PCDH15: variants seen among roughly 807,000 people sequenced by gnomAD.
The protein encoded by PCDH15 is protocadherin-15.
A neutral mutation model predicts 178.5 loss-of-function variants in PCDH15; 129 were observed. The ratio of observed to expected loss-of-function variants is 0.72; its 90% CI spans 0.63 to 0.84. PCDH15 has a LOEUF of 0.84. Among genes scored for constraint, PCDH15 ranks in the 40% least tolerant of loss-of-function variants. The pLI is 0.00. For synonymous variants in PCDH15, 800 were observed against 732.0 expected, an observed-to-expected ratio of 1.09 and a Z score of -1.50; for missense variants, 2,230 against 2,099.9, an observed-to-expected ratio of 1.06 and a Z score of -1.21.
chr10:55,548,849 G>A (rs1841945623), intron 2 of PCDH15, among the ~76,000 whole-genome samples: 2 of 152,016 alleles, frequency 1.3e-5, no homozygotes, highest in Admixed American at 1.3e-4. Flanking sequence ...AGAATATATA[G>A]AAAAATGACA....
chr10:53,972,383 G>C (rs576082560), intron 21 of PCDH15, among the ~76,000 whole-genome samples: 46 of 152,244 alleles, frequency 3.0e-4, no homozygotes, highest in Non-Finnish European at 4.4e-4. Flanking sequence ...CATGTGCAAA[G>C]GCTTCATGAC....
intron 3 of PCDH15, among the ~76,000 whole-genome samples, chr10:54,882,366 A>G (rs1033625942): frequency 1.3e-5 from 2 of 152,048 alleles, no homozygotes; most frequent in African/African-American, 4.8e-5. Flanking sequence ...CCATAGTCTC[A>G]TAAAGTCGGA....
At chr10:54,684,571 T>C (rs1221463077) in intron 1 of PCDH15, among the ~76,000 whole-genome samples, 1 of 152,104 alleles carries the variant, frequency 6.6e-6, no homozygotes, top group African/African-American at 2.4e-5. Flanking sequence ...TTTTTTTCTC[T>C]TGACACAAGT....
chr10:54,267,390 T>G (rs1315239862), intron 8 of PCDH15, among the ~76,000 whole-genome samples: 1 of 151,872 alleles, frequency 6.6e-6, no homozygotes, highest in African/African-American at 2.4e-5. Context: ...CTTTTACCAC[T>G]CTTATTCAAC....
At chr10:54,943,487 G>T (rs1157139955) in intron 2 of PCDH15, among the ~76,000 whole-genome samples, 3 of 151,840 alleles carry the variant, frequency 2.0e-5, no homozygotes, top group Admixed American at 6.6e-5. Context: ...TAAGTGATTT[G>T]CCCCTGGTGC....
intron 13 of PCDH15, among the ~76,000 whole-genome samples, chr10:54,155,791 T>TAAA (rs527427577): frequency 0.015 from 1,770 of 119,532 alleles, 46 homozygotes; most frequent in African/African-American, 0.052. Flanking sequence ...GTGAGACTCT[T>TAAA]AAAAAAAAAA....
intron 3 of PCDH15, among the ~76,000 whole-genome samples, chr10:54,862,044 A>T (rs1181549130): frequency 6.6e-6 from 1 of 152,208 alleles, no homozygotes; most frequent in African/African-American, 2.4e-5. Context: ...AAAGAACTAA[A>T]TATATAATAA....
intron 9 of PCDH15, among the ~76,000 whole-genome samples, chr10:54,215,928 A>G (rs113258825): frequency 6.7e-6 from 1 of 150,354 alleles, no homozygotes; most frequent in African/African-American, 2.4e-5. Flanking sequence ...CTGTAGTCCC[A>G]GCTACTTGGG....
intron 10 of PCDH15, among the ~76,000 whole-genome samples, chr10:54,205,656 T>G (rs919515355): frequency 3.9e-5 from 6 of 151,988 alleles, no homozygotes; most frequent in African/African-American, 1.4e-4. Flanking sequence ...ATCATCCTAA[T>G]AAAAATAAGA....
At chr10:55,074,075 GTA>G (rs1841819972) in intron 2 of PCDH15, among the ~76,000 whole-genome samples, 1 of 152,044 alleles carries the variant, frequency 6.6e-6, no homozygotes, top group Non-Finnish European at 1.5e-5. Context: ...GTATTCCATG[GTA>G]TATATGTACT....
At chr10:54,004,850 T>C (rs965166203) in intron 20 of PCDH15, among the ~76,000 whole-genome samples, 41 of 104,094 alleles carry the variant, frequency 3.9e-4, no homozygotes, top group African/African-American at 1.7e-3. Flanking sequence ...GCCAAAGCTA[T>C]ATTAAACAAA....
intron 8 of PCDH15, among the ~76,000 whole-genome samples, chr10:54,268,122 C>T (rs115084969): frequency 0.015 from 2,209 of 151,746 alleles, 56 homozygotes; most frequent in African/African-American, 0.048. Flanking sequence ...AGAAATGAGG[C>T]CTCATTCCTA....
intron 2 of PCDH15, among the ~76,000 whole-genome samples, chr10:55,077,223 C>A (rs1208080049): frequency 6.6e-6 from 1 of 151,848 alleles, no homozygotes; most frequent in Non-Finnish European, 1.5e-5. Flanking sequence ...ATTTTTAATC[C>A]ATTCAGCTCA....
intron 4 of PCDH15, among the ~76,000 whole-genome samples, chr10:54,376,737 T>C (rs1948499476): frequency 6.6e-6 from 1 of 151,936 alleles, no homozygotes; most frequent in Non-Finnish European, 1.5e-5. Flanking sequence ...GACATTACAA[T>C]TATTTAGCAA....
At chr10:54,767,150 CTGTT>C (rs1948613231) in intron 1 of PCDH15, among the ~76,000 whole-genome samples, 1 of 152,054 alleles carries the variant, frequency 6.6e-6, no homozygotes, top group South Asian at 2.1e-4. Context: ...AAATACGTAA[CTGTT>C]TGGCTCAAAA....
chr10:54,606,714 C>T (rs2092756359), intron 2 of PCDH15: 1 of 152,040 alleles, frequency 6.6e-6, no homozygotes, highest in Non-Finnish European at 1.5e-5. Context: ...TCTCTGTAGG[C>T]TGAAGGGTTT....
chr10:55,396,329 T>C (rs1837928282), intron 2 of PCDH15, among the ~76,000 whole-genome samples: 1 of 152,206 alleles, frequency 6.6e-6, no homozygotes, highest in Non-Finnish European at 1.5e-5. Context: ...AGCCTTTGCA[T>C]CTTAAAAGTA....
At chr10:54,675,379 C>A (rs1390006075) in intron 1 of PCDH15, among the ~76,000 whole-genome samples, 1 of 151,454 alleles carries the variant, frequency 6.6e-6, no homozygotes, top group Non-Finnish European at 1.5e-5. Context: ...ATTTACTTCC[C>A]AACACACCCT....
chr10:54,433,226 C>A (rs981005957), intron 3 of PCDH15, among the ~76,000 whole-genome samples: 1 of 152,050 alleles, frequency 6.6e-6, no homozygotes, highest in Admixed American at 6.6e-5. Flanking sequence ...TAGGTATAAA[C>A]ACAAAAGAAA....
Sources: allele counts gnomAD v4.1 joint callset (sites outside exome capture counted in the v4.1 genomes callset), GRCh38; gene constraint gnomAD v4.1.1; transcripts MANE v1.5; gene names NCBI Gene and HGNC (gene_info 2026-07-23, HGNC 2026-07-21).